RCAN2: variants seen among roughly 807,000 people sequenced by gnomAD.
The protein encoded by RCAN2 is regulator of calcineurin 2.
A neutral mutation model predicts 23.6 loss-of-function variants in RCAN2; 9 were observed. The ratio of observed to expected loss-of-function variants is 0.38; its 90% CI spans 0.23 to 0.67. The LOEUF (loss-of-function observed/expected upper bound fraction) is 0.67. Among genes scored for constraint, RCAN2 ranks in the 30% least tolerant of loss-of-function variants. The pLI is 0.51. For synonymous variants in RCAN2, 109 were observed against 115.7 expected (o/e 0.94, Z 0.37); for missense variants, 273 against 302.3 (o/e 0.90, Z 0.72).
At chr6:46,395,651 T>A (rs920156390) in intron 2 of RCAN2, among the ~76,000 whole-genome samples, 1 of 152,226 alleles carries the variant, frequency 6.6e-6, no homozygotes, top group Non-Finnish European at 1.5e-5. Context: ...CTGCTAAACT[T>A]AGCACAAAAG....
chr6:46,448,567 C>T (rs1344425412), intron 2 of RCAN2, among the ~76,000 whole-genome samples: 4 of 151,772 alleles, frequency 2.6e-5, no homozygotes, highest in Admixed American at 6.6e-5. Context: ...AACACAGATA[C>T]AAAAATCATC....
intron 2 of RCAN2, among the ~76,000 whole-genome samples, chr6:46,373,924 T>C (rs917579619): frequency 5.9e-5 from 9 of 152,226 alleles, no homozygotes; most frequent in African/African-American, 2.2e-4. Context: ...TCCCCTAATG[T>C]TCTAGCCAAC....
intron 2 of RCAN2, among the ~76,000 whole-genome samples, chr6:46,394,336 A>C (rs1468636852): frequency 6.6e-6 from 1 of 152,180 alleles, no homozygotes; most frequent in African/African-American, 2.4e-5. Context: ...TGGCATTTGC[A>C]CAAAGTAAGA....
intron 2 of RCAN2, among the ~76,000 whole-genome samples, chr6:46,424,884 T>C (rs906920264): frequency 1.3e-5 from 2 of 152,202 alleles, no homozygotes; most frequent in Non-Finnish European, 2.9e-5. Context: ...CAAATGCATA[T>C]TGGGGGCGTG....
At position 46,430,962 on chromosome 6, in the gene RCAN2, T is replaced by A. The variant is rs117352455; in HGVS notation, c.225+25790A>T. Among the ~76,000 whole-genome samples the A allele has an allele frequency of 2.0e-5, 3 of 152,306 alleles. No homozygotes were observed. In the East Asian group the frequency reaches 5.8e-4, roughly 29 times the overall value. On this transcript the variant is annotated intron_variant, in intron 2 of 4. Coordinates refer to ENST00000371374, the MANE Select transcript of RCAN2 (RefSeq NM_001251974.2). ...CAGATGCCATCAATCAGGAAAATGA[T>A]CTCTGGCAGAGAAGAATATGGTTGA...
chr6:46,343,225 C>A (rs1764383335), intron 2 of RCAN2, among the ~76,000 whole-genome samples: 1 of 151,932 alleles, frequency 6.6e-6, no homozygotes, highest in South Asian at 2.1e-4. Flanking sequence ...GGCCAGAATA[C>A]AAGGGAACAA....
At chr6:46,403,283 A>C (rs185936509) in intron 2 of RCAN2, among the ~76,000 whole-genome samples, 168 of 152,058 alleles carry the variant, frequency 1.1e-3, no homozygotes, top group African/African-American at 3.9e-3. Context: ...ATTTTTAAAA[A>C]ATTCTGTGGC....
intron 2 of RCAN2, among the ~76,000 whole-genome samples, chr6:46,444,208 G>A (rs754090995): frequency 1.9e-4 from 29 of 152,130 alleles, no homozygotes; most frequent in African/African-American, 5.8e-4. Flanking sequence ...CAAGACAAAC[G>A]TGCACAGAGC....
chr6:46,222,571 T>A lies in RCAN2; in HGVS notation c.*570A>T, dbSNP rs998474111. On this transcript the variant is annotated 3_prime_UTR_variant, in exon 5 of 5. Transcript: ENST00000371374. ...GACTTGTTGAGCTGGAATATTCTGA[T>A]CATTTTCCTAATCTAGATAGGACAT... The A allele has an allele frequency of 6.5e-5, 10 of 153,256 alleles. No homozygotes were observed. Among genetic ancestry groups the A allele is most frequent in the African/African-American group, 2.4e-4 (10 of 41,458 alleles). The allele number at this position is 153,256 out of a possible 1,614,324, so 9.5% of individuals were successfully genotyped here.
chr6:46,473,126 G>A (rs1768615921), intron 1 of RCAN2, among the ~76,000 whole-genome samples: 1 of 152,158 alleles, frequency 6.6e-6, no homozygotes, highest in African/African-American at 2.4e-5. Context: ...ATGCATGTAT[G>A]TCTGTCTGTT....
chr6:46,362,669 A>G (rs1033146981), intron 2 of RCAN2, among the ~76,000 whole-genome samples: 5 of 152,182 alleles, frequency 3.3e-5, no homozygotes, highest in African/African-American at 1.2e-4. Context: ...GAAAGTCCAA[A>G]TAACCTAAGG....
intron 2 of RCAN2, among the ~76,000 whole-genome samples, chr6:46,297,913 T>TGA: frequency 6.6e-6 from 1 of 152,202 alleles, no homozygotes; most frequent in South Asian, 2.1e-4. Flanking sequence ...TAGTCTGAGG[T>TGA]GAGAACTTCT....
At chr6:46,251,287 C>T (rs1766704731) in intron 2 of RCAN2, among the ~76,000 whole-genome samples, 1 of 152,152 alleles carries the variant, frequency 6.6e-6, no homozygotes, top group Admixed American at 6.5e-5. Flanking sequence ...ACTGTGTTTT[C>T]CTGAGCAGGA....
At chr6:46,341,974 T>G (rs1433625687) in intron 2 of RCAN2, among the ~76,000 whole-genome samples, 2 of 152,094 alleles carry the variant, frequency 1.3e-5, no homozygotes, top group Non-Finnish European at 2.9e-5. Context: ...AATGGCAGGT[T>G]GATTATACAT....
At chr6:46,388,613 C>A (rs973144016) in intron 2 of RCAN2, among the ~76,000 whole-genome samples, 5 of 152,136 alleles carry the variant, frequency 3.3e-5, no homozygotes, top group African/African-American at 1.2e-4. Flanking sequence ...GAATACTATG[C>A]AGCCATTAAA....
At chr6:46,259,977 C>T (rs1767057564) in intron 2 of RCAN2, among the ~76,000 whole-genome samples, 1 of 152,186 alleles carries the variant, frequency 6.6e-6, no homozygotes, top group Non-Finnish European at 1.5e-5. Context: ...GCTCTCAGTA[C>T]CTCTACATGT....
intron 2 of RCAN2, among the ~76,000 whole-genome samples, chr6:46,411,132 G>A (rs987207720): frequency 1.3e-5 from 2 of 152,174 alleles, no homozygotes; most frequent in African/African-American, 4.8e-5. Context: ...GCCCATACAG[G>A]GATGAATGGA....
At chr6:46,245,623 G>T (rs1380946076) in intron 4 of RCAN2, among the ~76,000 whole-genome samples, 1 of 152,154 alleles carries the variant, frequency 6.6e-6, no homozygotes, top group Non-Finnish European at 1.5e-5. Flanking sequence ...ATTAAGAAAT[G>T]CTGGTAAGAA....
chr6:46,311,310 G>A (rs1280434110), intron 2 of RCAN2, among the ~76,000 whole-genome samples: 1 of 152,150 alleles, frequency 6.6e-6, no homozygotes, highest in African/African-American at 2.4e-5. Context: ...AAAAGGGTTG[G>A]GAAAGGCTGA....
Sources: allele counts gnomAD v4.1 joint callset (sites outside exome capture counted in the v4.1 genomes callset), GRCh38; gene constraint gnomAD v4.1.1; transcripts MANE v1.5; gene names NCBI Gene and HGNC (gene_info 2026-07-23, HGNC 2026-07-21).